Variants in CRIM1 observed in about 807,000 individuals in gnomAD.
CRIM1 encodes the protein cysteine rich transmembrane BMP regulator 1.
A neutral mutation model predicts 116.4 loss-of-function variants in CRIM1; 32 were observed. The observed-to-expected ratio is 0.27, with a 90% confidence interval of 0.21 to 0.37. The LOEUF is 0.37. Ranked by LOEUF, CRIM1 falls within the 10% of genes least tolerant of loss-of-function variation. The pLI is 1.00. For missense variants in CRIM1, 1,331 were observed against 1,354.8 expected (o/e 0.98, Z 0.28); for synonymous variants, 590 against 509.2 (o/e 1.16, Z -2.13).
chr2:36,538,875 C>T (rs966903502), intron 14 of CRIM1, among the ~76,000 whole-genome samples: 4 of 152,198 alleles, frequency 2.6e-5, no homozygotes, highest in African/African-American at 9.7e-5. Context: ...CTATGTTTCA[C>T]AAATTTCATA....
rs375249058 is a variant in CRIM1, at chr2:36,477,240, G to C, written c.1174+169G>C. Among the ~76,000 whole-genome samples the C allele has an allele frequency of 1.3e-4, 20 of 152,302 alleles. No homozygotes were observed. In the East Asian group the frequency reaches 3.5e-3, roughly 26 times the overall value. ...TCTTTTAGCATGTTAAAGCCAGGTA[G>C]AGTGTGTGGAAACACTTCCCTAAGG... On this transcript the variant is annotated intron_variant, in intron 6 of 16. Transcript: ENST00000280527.
intron 4 of CRIM1, among the ~76,000 whole-genome samples, chr2:36,444,887 GTGT>G (rs1402926098): frequency 1.3e-5 from 2 of 152,192 alleles, no homozygotes; most frequent in Non-Finnish European, 2.9e-5. Context: ...GCTCTTTGAA[GTGT>G]TGTCACTCTT....
intron 2 of CRIM1, among the ~76,000 whole-genome samples, chr2:36,438,996 A>G (rs1440851136): frequency 3.3e-5 from 5 of 152,228 alleles, no homozygotes; most frequent in African/African-American, 4.8e-5. Context: ...GTCTGTTCTT[A>G]GGACAGAGGC....
intron 4 of CRIM1, among the ~76,000 whole-genome samples, chr2:36,454,202 A>G (rs1676963240): frequency 6.6e-6 from 1 of 152,094 alleles, no homozygotes; most frequent in Non-Finnish European, 1.5e-5. Context: ...TACATAGTGT[A>G]CTTCTGGTGG....
chr2:36,360,229 G>C (rs552197231), intron 1 of CRIM1, among the ~76,000 whole-genome samples: 11 of 152,318 alleles, frequency 7.2e-5, no homozygotes, highest in African/African-American at 2.6e-4. Context: ...GGCAGTTAAA[G>C]GGCAGATGGT....
chr2:36,528,566 AGAGTAC>A (rs1188616179), intron 13 of CRIM1, among the ~76,000 whole-genome samples: 3 of 152,266 alleles, frequency 2.0e-5, no homozygotes, highest in African/African-American at 7.2e-5. Flanking sequence ...TCCTGGGAAC[AGAGTAC>A]GTGGCATTTA....
chr2:36,535,321 A>C (rs1666468314), intron 13 of CRIM1, among the ~76,000 whole-genome samples: 1 of 152,238 alleles, frequency 6.6e-6, no homozygotes, highest in Non-Finnish European at 1.5e-5. Context: ...CCAATTTGAC[A>C]CGTGCATTTT....
At chr2:36,427,996 A>T (rs368057690) in intron 2 of CRIM1, among the ~76,000 whole-genome samples, 16 of 152,346 alleles carry the variant, frequency 1.1e-4, no homozygotes, top group East Asian at 9.7e-4. Flanking sequence ...ATAAAGGGTT[A>T]TTTTTGTGTT....
intron 5 of CRIM1, among the ~76,000 whole-genome samples, chr2:36,470,432 G>C (rs1464699919): frequency 3.3e-5 from 5 of 152,186 alleles, no homozygotes; most frequent in African/African-American, 7.2e-5. Flanking sequence ...AGCAGTCAAT[G>C]CCTGGCTTCA....
chr2:36,458,549 C>A lies in CRIM1; in HGVS notation c.870-5985C>A, dbSNP rs1677324124. Among the ~76,000 whole-genome samples, 3 of 151,994 alleles carry A rather than the reference C, an allele frequency of 2.0e-5. No homozygotes were observed. The South Asian group carries it at 6.2e-4, about 32-fold the overall frequency. ...TTCTTTTCCGGCCTTGCTTAGAGTT[C>A]TTTAGTAGGGAAAAAAAAGTTATAT... On this transcript the variant is annotated intron_variant, in intron 4 of 16. Transcript: ENST00000280527.
chr2:36,475,501 A>G (rs372536441), intron 5 of CRIM1, among the ~76,000 whole-genome samples: 1 of 152,208 alleles, frequency 6.6e-6, no homozygotes, highest in Non-Finnish European at 1.5e-5. Context: ...AACTGTTTAC[A>G]TACAAGATCA....
intron 1 of CRIM1, among the ~76,000 whole-genome samples, chr2:36,364,440 T>G (rs1160477022): frequency 6.6e-6 from 1 of 152,198 alleles, no homozygotes; most frequent in Non-Finnish European, 1.5e-5. Context: ...GACAATTCAT[T>G]ACAATCAGTT....
chr2:36,509,588 T>G (rs1681678449), intron 8 of CRIM1, among the ~76,000 whole-genome samples: 2 of 152,126 alleles, frequency 1.3e-5, no homozygotes, highest in Admixed American at 1.3e-4. Flanking sequence ...AAACATATAA[T>G]GAAAATTGGA....
chr2:36,382,362 GA>G (rs1348071588), intron 1 of CRIM1, among the ~76,000 whole-genome samples: 2 of 152,252 alleles, frequency 1.3e-5, no homozygotes, highest in Non-Finnish European at 2.9e-5. Flanking sequence ...TGCCATACCT[GA>G]AGGGCTTGTG....
intron 2 of CRIM1, among the ~76,000 whole-genome samples, chr2:36,412,779 T>C (rs575064633): frequency 2.6e-5 from 4 of 152,362 alleles, no homozygotes; most frequent in African/African-American, 9.6e-5. Flanking sequence ...CCATTTGATA[T>C]ATGTTTGCTT....
rs1181230779 is a variant in CRIM1, at chr2:36,456,829, AT to A, written c.870-7691del. Among the ~76,000 whole-genome samples the A allele has an allele frequency of 8.6e-3, 1,224 of 142,142 alleles. 16 individuals carry two copies. The highest frequency in any genetic ancestry group is 0.024 in the African/African-American group (925 of 39,038). 93.3% of individuals were successfully genotyped at this position (142,142 alleles called of 152,430 possible). A position where few individuals can be genotyped will look rare whatever the true frequency, so the allele number is the denominator to read the frequency against. ...TTGAGTCCCTTCAAAACTAACCCTG[AT>A]TTTTTTTTTTTTTAGCCACTCACGT... On this transcript the variant is annotated intron_variant, in intron 4 of 16. Transcript: ENST00000280527.
chr2:36,536,503 C>G (rs1466111544), intron 13 of CRIM1, among the ~76,000 whole-genome samples: 1 of 152,166 alleles, frequency 6.6e-6, no homozygotes, highest in Admixed American at 6.5e-5. Flanking sequence ...TCGATTTGCC[C>G]ATCTCTGCTT....
chr2:36,479,451 A>T (rs1558350447), intron 6 of CRIM1, 46 bp from the exon 7 acceptor site: 1 of 1,586,872 alleles, frequency 6.3e-7, no homozygotes. Context: ...CAGAGATAAG[A>T]TTTAGAAGAT....
At chr2:36,447,074 T>C (rs113539042) in intron 4 of CRIM1, among the ~76,000 whole-genome samples, 1,950 of 152,348 alleles carry the variant, frequency 0.013, 45 homozygotes, top group African/African-American at 0.045. Flanking sequence ...TGCCTTGCTG[T>C]TTATAAAGCA....
Sources: allele counts gnomAD v4.1 joint callset (sites outside exome capture counted in the v4.1 genomes callset), GRCh38; gene constraint gnomAD v4.1.1; transcripts MANE v1.5; gene names NCBI Gene and HGNC (gene_info 2026-07-23, HGNC 2026-07-21).